The following RBM10 variants were observed in gnomAD, a reference collection of about 807,000 sequenced individuals.
RBM10 encodes the protein RNA-binding protein 10.
In RBM10, 1 loss-of-function variant was observed where a neutral mutation model predicts 84.9. The ratio of observed to expected loss-of-function variants is 0.01; its 90% CI spans 0.00 to 0.06. The LOEUF (loss-of-function observed/expected upper bound fraction) is 0.06. Among genes scored for constraint, RBM10 ranks in the 10% least tolerant of loss-of-function variants. The pLI, the probability that RBM10 is intolerant of heterozygous loss-of-function variation, is 1.00. For synonymous variants in RBM10, 326 were observed against 344.5 expected, an observed-to-expected ratio of 0.95 and a Z score of 0.60; for missense variants, 438 against 839.0, an observed-to-expected ratio of 0.52 and a Z score of 5.90.
chrX:47,180,111 C>T (rs1935411662), intron 10 of RBM10, 71 bp downstream of exon 10: 4 of 1,192,488 alleles, frequency 3.4e-6, no homozygotes, highest in Non-Finnish European at 4.5e-6. Flanking sequence ...GGGTCCTTTT[C>T]CCCAGCCTCC....
At position 47,173,211 on chromosome X, in the gene RBM10, C is replaced by T; in HGVS notation, c.502+14C>T. 8.3e-7 allele frequency: 1 copy of T among 1,211,578 alleles called. No homozygotes were observed. The stretch of plus-strand genomic sequence containing the variant: ...ACAAATCTTCAGGTGAGCTTTTGTT[C>T]TAGTGCCCTCCCCTTCAAGTGGCCA... On this transcript the variant is annotated intron_variant, in intron 5 of 23. Coordinates refer to ENST00000377604, the MANE Select transcript of RBM10 (RefSeq NM_005676.5).
chrX:47,176,952 T>C (rs1314675207), intron 7 of RBM10, among the ~76,000 whole-genome samples: 2 of 111,665 alleles, frequency 1.8e-5, no homozygotes, highest in Non-Finnish European at 3.8e-5. Context: ...GAATGTGGGC[T>C]TCAGAGCCAG....
rs2147219170 is a variant in RBM10, at chrX:47,185,698, A to G, written c.2356-18A>G. 2 of 1,210,918 alleles carry G rather than the reference A, an allele frequency of 1.7e-6. No homozygotes were observed. The highest frequency in any genetic ancestry group is 2.2e-6 in the Non-Finnish European group (2 of 895,120). On this transcript the variant is annotated intron_variant, in intron 20 of 23. Coordinates refer to ENST00000377604, the MANE Select transcript of RBM10 (RefSeq NM_005676.5). ...CTGAGGCTCATCCTCTTCACTTCTC[A>G]TCCTGTCCCTCTTGCAGCAAAACCT...
At chrX:47,180,397 C>T (rs2147179250) in intron 11 of RBM10, 22 bp from the exon 12 acceptor site, 1 of 1,203,524 alleles carries the variant, frequency 8.3e-7, no homozygotes, top group Non-Finnish European at 1.1e-6. Context: ...ATCTCACTCC[C>T]AGTCTCTAAC....
intron 2 of RBM10, chrX:47,157,488 C>A: frequency 2.5e-6 from 1 of 399,895 alleles, no homozygotes; most frequent in Non-Finnish European, 4.6e-6. Context: ...CCCGCACAGG[C>A]TTGTGACCTC....
At position 47,176,564 on chromosome X, in the gene RBM10, A is replaced by G. The variant is rs781866485; in HGVS notation, c.641A>G (p.Asn214Ser). ...MHYSDPKPKI[N>S]EDWLCNKCGV... ...TACAGTGACCCCAAGCCCAAGATCA[A>G]TGAGGACTGGCTGTGCAATAAGGTA... The change falls in exon 7 of 24, where the codon AAT (asparagine) becomes AGT (serine). Residue 214 changes from asparagine to serine, a missense_variant. Asn to Ser is a conservative substitution (Grantham distance 46, BLOSUM62 1). Around this residue, in one of 8 missense-constraint regions of RBM10, gnomAD observed 28 missense variants for 98.6 expected, o/e 0.28. Transcript: ENST00000377604. 16 of 1,209,343 alleles carry G rather than the reference A, an allele frequency of 1.3e-5. No homozygotes were observed. The highest frequency in any genetic ancestry group is 2.2e-5 in the Admixed American group (1 of 45,615).
At chrX:47,156,788 C>G in intron 2 of RBM10, 1 of 171,801 alleles carries the variant, frequency 5.8e-6, no homozygotes, top group Non-Finnish European at 1.1e-5. Flanking sequence ...CCTGGCCCAT[C>G]ATGCTGCTGC....
chrX:47,167,995 G>C (rs1934358357), intron 2 of RBM10, among the ~76,000 whole-genome samples: 1 of 112,111 alleles, frequency 8.9e-6, no homozygotes, highest in African/African-American at 3.2e-5. Flanking sequence ...ATAATGTTAA[G>C]AATGCTGTTG....
intron 12 of RBM10, 133 bp from the exon 13 acceptor site, chrX:47,181,077 ACTTGT>A (rs1415857930): frequency 2.2e-6 from 1 of 458,796 alleles, no homozygotes; most frequent in Non-Finnish European, 3.7e-6. Context: ...CTCGCTTTCC[ACTTGT>A]CTTAAGGCTG....
intron 3 of RBM10, among the ~76,000 whole-genome samples, chrX:47,169,747 C>A (rs1453820523): frequency 8.9e-6 from 1 of 112,438 alleles, no homozygotes; most frequent in African/African-American, 3.2e-5. Flanking sequence ...CACTCTTTCC[C>A]TTTCTCCCTG....
rs183060448 is a variant in RBM10, at chrX:47,160,520, G to A, written c.18-8795G>A. Reference sequence around the variant, plus strand: ...AAATGCTCATCATCACTAATCATCAGAGAAATGCAAATCAAAACCACAAGG... The same window carrying A: ...AAATGCTCATCATCACTAATCATCAAAGAAATGCAAATCAAAACCACAAGG... On this transcript the variant is annotated intron_variant, in intron 2 of 23. Transcript: ENST00000377604. 4.8e-3 allele frequency among the ~76,000 whole-genome samples: 531 copies of A among 110,687 alleles called. 1 individual carries two copies. Among genetic ancestry groups the A allele is most frequent in the African/African-American group, 0.017 (507 of 30,453 alleles).
At chrX:47,164,888 G>A (rs1483521279) in intron 2 of RBM10, among the ~76,000 whole-genome samples, 1 of 112,361 alleles carries the variant, frequency 8.9e-6, no homozygotes, top group Non-Finnish European at 1.9e-5. Context: ...AAGTGTGCAC[G>A]AACAGATGAA....
At chrX:47,150,736 A>G (rs1486085539) in intron 2 of RBM10, among the ~76,000 whole-genome samples, 2 of 111,580 alleles carry the variant, frequency 1.8e-5, no homozygotes, top group Non-Finnish European at 3.8e-5. Context: ...TACTGTTTTT[A>G]TTATTATGGC....
At chrX:47,162,742 CAG>C (rs1556767179) in intron 2 of RBM10, among the ~76,000 whole-genome samples, 216 of 110,350 alleles carry the variant, frequency 2.0e-3, no homozygotes, top group Non-Finnish European at 3.7e-3. Context: ...GGGGTGGTGG[CAG>C]GTGCCTGTAA....
intron 2 of RBM10, among the ~76,000 whole-genome samples, chrX:47,159,609 G>A (rs1933499964): frequency 9.0e-6 from 1 of 111,103 alleles, no homozygotes. Context: ...AAAATAGCAT[G>A]GTCCTGGTGC....
At chrX:47,180,617 T>A in intron 12 of RBM10, 111 bp downstream of exon 12, 2 of 1,129,702 alleles carry the variant, frequency 1.8e-6, no homozygotes, top group South Asian at 4.0e-5. Context: ...TGCAAAACCC[T>A]CTCCCAGTAG....
chrX:47,170,351 C>T (rs1934552541), intron 3 of RBM10, among the ~76,000 whole-genome samples: 1 of 113,663 alleles, frequency 8.8e-6, no homozygotes, highest in Non-Finnish European at 1.9e-5. Flanking sequence ...CTGGTGCTTC[C>T]CCACTGTGGG....
At chrX:47,170,171 G>A (rs1159724708) in intron 3 of RBM10, among the ~76,000 whole-genome samples, 1 of 113,545 alleles carries the variant, frequency 8.8e-6, no homozygotes, top group African/African-American at 3.2e-5. Flanking sequence ...GTTCTTGCAA[G>A]CCCAGCCCTG....
At position 47,181,564 on chromosome X, in the gene RBM10, G is replaced by A. The variant is rs782131895; in HGVS notation, c.1493G>A (p.Arg498His). Residue 498 changes from arginine to histidine, a missense_variant, in exon 14 of 24, where the codon CGC (arginine) becomes CAC (histidine). Coordinates refer to ENST00000377604, the MANE Select transcript of RBM10 (RefSeq NM_005676.5). Reference protein sequence around the residue: ...ADSVSMQAFSRAQPGAAPGIY... With the variant: ...ADSVSMQAFSHAQPGAAPGIY... The stretch of plus-strand genomic sequence containing the variant: ...TCTGTGTCGATGCAGGCTTTCTCTC[G>A]CGCCCAGCCTGGTGCTGCTCCTGGC... 3 of 1,210,221 alleles carry A rather than the reference G, an allele frequency of 2.5e-6. No individual in the cohort carries two copies. The highest frequency in any genetic ancestry group is 2.2e-5 in the Admixed American group (1 of 46,028).
Sources: gnomAD v4.1 joint callset for allele counts (sites outside exome capture counted in the v4.1 genomes callset) on GRCh38, gnomAD v4.1.1 for gene constraint, gnomAD v4.1.1 regional missense constraint, MANE v1.5 for transcripts, NCBI Gene and HGNC (gene_info 2026-07-23, HGNC 2026-07-21) for gene names.